NLN: variants seen among roughly 807,000 people sequenced by gnomAD.
NLN encodes neurolysin.
In NLN, 64 loss-of-function variants were observed where a neutral mutation model predicts 79.9. That is an observed-to-expected ratio of 0.80 (90% confidence interval 0.65 to 0.99). NLN has a LOEUF of 0.99. Ranked by LOEUF, NLN falls within the 50% of genes least tolerant of loss-of-function variation. The probability of loss-of-function intolerance (pLI) is 0.00; values close to 1 mark genes in which losing one functional copy is unlikely to be tolerated. For missense variants in NLN, 835 were observed against 858.7 expected (o/e 0.97, Z 0.34); for synonymous variants, 267 against 296.6 (o/e 0.90, Z 1.02).
In NLN at chr5:65,810,048, C is replaced by G; in HGVS notation, c.1726C>G (p.Leu576Val). ...TCTTATGTTATTAGGTCTTCTGACC[C>G]TGCGCCAGATTGTTTTGAGCAAAGT... is the stretch of plus-strand genomic sequence containing the variant. ...SRLVNTGLLT[L>V]RQIVLSKVDQ... Residue 576 changes from leucine to valine, a missense_variant, in exon 11 of 13, where the codon CTG becomes GTG. Transcript: ENST00000380985. 1 of 1,613,996 alleles carries G rather than the reference C, an allele frequency of 6.2e-7. No homozygotes were observed. Among genetic ancestry groups the G allele is most frequent in the Non-Finnish European group, 8.5e-7 (1 of 1,179,984 alleles).
At chr5:65,774,844 C>A (rs1324504458) in intron 3 of NLN, among the ~76,000 whole-genome samples, 1 of 151,860 alleles carries the variant, frequency 6.6e-6, no homozygotes, top group African/African-American at 2.4e-5. Flanking sequence ...TCTGCCTCAG[C>A]CTCCCAAGTA....
chr5:65,814,005 G>T (rs1760614277), intron 12 of NLN, among the ~76,000 whole-genome samples: 1 of 151,834 alleles, frequency 6.6e-6, no homozygotes, highest in African/African-American at 2.4e-5. Context: ...ATTTTCTCCT[G>T]TCTCAGAGGA....
intron 12 of NLN, among the ~76,000 whole-genome samples, chr5:65,822,571 G>A (rs997427671): frequency 2.0e-5 from 3 of 152,314 alleles, no homozygotes; most frequent in Middle Eastern, 3.4e-3. Flanking sequence ...ATAAAGGACA[G>A]TGTAGAAGAC....
chr5:65,756,030 A>G (rs40106), intron 1 of NLN, among the ~76,000 whole-genome samples: 68,936 of 151,882 alleles, frequency 0.45, 16,361 homozygotes, highest in Non-Finnish European at 0.53. Flanking sequence ...AGAGTCATGA[A>G]TGGCATTCTG....
In NLN at chr5:65,785,846, A is replaced by G. The variant is rs759974525; in HGVS notation, c.894A>G (p.Thr298=). 2 of 1,613,926 alleles carry G rather than the reference A, an allele frequency of 1.2e-6. No homozygotes were observed. The highest frequency in any genetic ancestry group is 2.2e-5 in the South Asian group (2 of 91,080). ...TKVAKLLGYS[T]HADFVLEMNT... is the part of the protein sequence containing the mutation. The stretch of plus-strand genomic sequence containing the variant: ...TGGCCAAACTACTCGGTTATAGCAC[A>G]CATGCTGACTTCGTCCTTGAAATGA... Residue 298 remains threonine (T), a synonymous_variant, in exon 7 of 13, where the codon ACA becomes ACG. Transcript: ENST00000380985.
chr5:65,738,043 G>A lies in NLN; in HGVS notation c.41+15629G>A, dbSNP rs781473622. Among the ~76,000 whole-genome samples the A allele has an allele frequency of 7.2e-5, 11 of 151,828 alleles. No individual in the cohort carries two copies. The South Asian group carries it at 1.7e-3, about 23-fold the overall frequency. ...CTTGGGAAGCTGAGGTAGGAGGATC[G>A]CTTGCACCTCGGGAGGCGGAGGTTG... On this transcript the variant is annotated intron_variant, in intron 1 of 12. Transcript: ENST00000380985.
At chr5:65,789,089 C>T (rs1005345820) in intron 8 of NLN, among the ~76,000 whole-genome samples, 1 of 152,132 alleles carries the variant, frequency 6.6e-6, no homozygotes, top group Admixed American at 6.5e-5. Flanking sequence ...GCTATTATCA[C>T]ACTGCTGCAT....
intron 1 of NLN, among the ~76,000 whole-genome samples, chr5:65,730,617 C>T (rs1287803691): frequency 1.3e-5 from 2 of 150,688 alleles, no homozygotes; most frequent in South Asian, 2.1e-4. Context: ...AGTGCAATGG[C>T]GCAATCTCAG....
chr5:65,766,760 G>C (rs1277535075), intron 3 of NLN, among the ~76,000 whole-genome samples: 1 of 152,234 alleles, frequency 6.6e-6, no homozygotes, highest in Non-Finnish European at 1.5e-5. Context: ...AGACAAGTTA[G>C]TTACTTCTAA....
At chr5:65,726,293 A>C (rs998978885) in intron 1 of NLN, among the ~76,000 whole-genome samples, 1 of 152,210 alleles carries the variant, frequency 6.6e-6, no homozygotes, top group Non-Finnish European at 1.5e-5. Context: ...TAGAGATTTA[A>C]TAAAAATTCA....
chr5:65,810,323 AG>A (rs1259847749), intron 11 of NLN, among the ~76,000 whole-genome samples, 158 bp downstream of exon 11: 1 of 152,182 alleles, frequency 6.6e-6, no homozygotes, highest in Non-Finnish European at 1.5e-5. Flanking sequence ...TGTCCTTATG[AG>A]TTATCCCGTC....
Position 65,803,098 on chromosome 5 carries a change from G to A in NLN, c.1528-6417G>A, listed in dbSNP as rs140357628. Among the ~76,000 whole-genome samples, 322 of 152,306 alleles carry A rather than the reference G, an allele frequency of 2.1e-3. 1 individual carries two copies. Among genetic ancestry groups the A allele is most frequent in the African/African-American group, 7.4e-3 (308 of 41,554 alleles). On this transcript the variant is annotated intron_variant, in intron 9 of 12. Coordinates refer to ENST00000380985, the MANE Select transcript of NLN (RefSeq NM_020726.5). ...TTTTATGGGCTTCAGAGGGGAGAAC[G>A]TGCAGGCTGATTGGCTTATGGGTGG...
At chr5:65,725,093 C>T (rs559057275) in intron 1 of NLN, among the ~76,000 whole-genome samples, 1 of 152,314 alleles carries the variant, frequency 6.6e-6, no homozygotes, top group East Asian at 1.9e-4. Context: ...GCGTGAGCCA[C>T]TGCGCCCGGC....
chr5:65,770,369 T>C (rs112949280), intron 3 of NLN, among the ~76,000 whole-genome samples: 26 of 152,268 alleles, frequency 1.7e-4, no homozygotes, highest in African/African-American at 6.0e-4. Context: ...GCAAATGATA[T>C]GTAGAAATAT....
intron 10 of NLN, 125 bp downstream of exon 10, chr5:65,809,826 G>T (rs1760504922): frequency 3.1e-6 from 3 of 969,714 alleles, no homozygotes; most frequent in Non-Finnish European, 4.5e-6. Context: ...CATGAGGAGT[G>T]AAGAACATTA....
At chr5:65,811,761 G>A (rs1198081245) in intron 11 of NLN, among the ~76,000 whole-genome samples, 1 of 151,778 alleles carries the variant, frequency 6.6e-6, no homozygotes, top group Non-Finnish European at 1.5e-5. Flanking sequence ...TGCTGAGGTT[G>A]CATTGAGCCG....
chr5:65,762,528 A>G (rs975826131), intron 2 of NLN, among the ~76,000 whole-genome samples: 5 of 152,052 alleles, frequency 3.3e-5, no homozygotes, highest in Admixed American at 3.3e-4. Context: ...CTACAAAAAA[A>G]TATAAAAATT....
intron 1 of NLN, among the ~76,000 whole-genome samples, chr5:65,738,975 A>AT (rs1758804412): frequency 4.5e-5 from 1 of 22,340 alleles, no homozygotes; most frequent in African/African-American, 1.6e-4. Flanking sequence ...ATATAAATAT[A>AT]TATATTATAT....
intron 2 of NLN, among the ~76,000 whole-genome samples, chr5:65,760,627 C>T (rs1022064335): frequency 6.6e-6 from 1 of 152,214 alleles, no homozygotes; most frequent in Non-Finnish European, 1.5e-5. Context: ...ATCCTTCTGC[C>T]TCAGCTTCCT....
Sources: gnomAD v4.1 joint callset for allele counts (sites outside exome capture counted in the v4.1 genomes callset) on GRCh38, gnomAD v4.1.1 for gene constraint, MANE v1.5 for transcripts, NCBI Gene and HGNC (gene_info 2026-07-23, HGNC 2026-07-21) for gene names.